The following CUX2 variants were observed in gnomAD, a reference collection of about 807,000 sequenced individuals.
CUX2 encodes the protein homeobox protein cut-like 2.
In CUX2, 40 loss-of-function variants were observed where a neutral mutation model predicts 144.8. That is an observed-to-expected ratio of 0.28 (90% CI 0.21 to 0.36). The LOEUF (loss-of-function observed/expected upper bound fraction) is 0.36, where lower values mean the gene tolerates loss of function less well. Among genes scored for constraint, CUX2 ranks in the 10% least tolerant of loss-of-function variants. The pLI, the probability that CUX2 is intolerant of heterozygous loss-of-function variation, is 1.00. For synonymous variants in CUX2, 827 were observed against 875.6 expected, an observed-to-expected ratio of 0.94 and a Z score of 0.98; for missense variants, 1,615 against 1,994.0, an observed-to-expected ratio of 0.81 and a Z score of 3.62.
intron 1 of CUX2, among the ~76,000 whole-genome samples, chr12:111,084,730 G>A (rs1480205083): frequency 6.6e-6 from 1 of 152,210 alleles, no homozygotes; most frequent in Non-Finnish European, 1.5e-5. Context: ...AAAGCAAAAT[G>A]GTATGAGAGT....
At chr12:111,275,339 G>A (rs539867233) in intron 4 of CUX2, among the ~76,000 whole-genome samples, 2 of 152,282 alleles carry the variant, frequency 1.3e-5, no homozygotes, top group East Asian at 3.9e-4. Context: ...TTTGGGGTCT[G>A]TACATCCAGG....
At chr12:111,162,978 C>T (rs560254365) in intron 1 of CUX2, among the ~76,000 whole-genome samples, 7 of 149,766 alleles carry the variant, frequency 4.7e-5, no homozygotes, top group African/African-American at 1.2e-4. Flanking sequence ...CCTGGGAGGC[C>T]GAGTTTGCAG....
In CUX2 at chr12:111,307,343, C is replaced by T; in HGVS notation, c.1109+86C>T. On this transcript the variant is annotated intron_variant, in intron 12 of 21. Transcript: ENST00000261726. This position sits in a 1 kb window ranked among gnomAD's most constrained non-coding sequence, Gnocchi z 4.1. Reference sequence around the variant, plus strand: ...GCAAAGTTCATCATCTTCCTCCCTCCTACTAAACCCCATTTGTTCTTCTCT... The same window carrying T: ...GCAAAGTTCATCATCTTCCTCCCTCTTACTAAACCCCATTTGTTCTTCTCT... The T allele has an allele frequency of 8.3e-7, 1 of 1,198,960 alleles. No homozygotes were observed. Among genetic ancestry groups the T allele is most frequent in the Non-Finnish European group, 1.2e-6 (1 of 830,514 alleles). 74.3% of individuals were successfully genotyped at this position (1,198,960 alleles called of 1,614,324 possible).
intron 1 of CUX2, among the ~76,000 whole-genome samples, chr12:111,056,026 G>A (rs1870508937): frequency 1.3e-5 from 2 of 152,206 alleles, no homozygotes; most frequent in Admixed American, 1.3e-4. Flanking sequence ...TAGCTAGATT[G>A]TTTGCTATGC....
At chr12:111,257,188 C>T (rs1321344701) in intron 3 of CUX2, among the ~76,000 whole-genome samples, 1 of 151,806 alleles carries the variant, frequency 6.6e-6, no homozygotes, top group African/African-American at 2.4e-5. Flanking sequence ...TGGTCTCCAC[C>T]TCCTCCCTCT....
At chr12:111,044,887 G>T (rs1173257731) in intron 1 of CUX2, among the ~76,000 whole-genome samples, 2 of 152,176 alleles carry the variant, frequency 1.3e-5, no homozygotes, top group Non-Finnish European at 2.9e-5. Context: ...ATGAGGGTTT[G>T]TTTACCTTTA....
chr12:111,347,660 G>A lies in CUX2; in HGVS notation c.3796G>A (p.Glu1266Lys), dbSNP rs749496376. Residue 1266 changes from glutamate (E) to lysine (K), a missense_variant, in exon 22 of 22, where the codon GAG becomes AAG. Physicochemically the swap from Glu to Lys is moderately conservative, Grantham distance 56. This residue lies in a region of CUX2 where 298 missense variants were observed against 330.4 expected (regional missense o/e 0.90). Coordinates refer to ENST00000261726, the MANE Select transcript of CUX2 (RefSeq NM_015267.4). ...CCCGCAGAGCCCTGACTCTGAGACT[G>A]AGGACCAGAAGCCAACCGTGAAGGA... ...PTPQSPDSET[E>K]DQKPTVKELE... 1 of 1,613,534 alleles carries A rather than the reference G, an allele frequency of 6.2e-7. No homozygotes were observed. Among genetic ancestry groups the A allele is most frequent in the Non-Finnish European group, 8.5e-7 (1 of 1,179,830 alleles).
chr12:111,084,214 G>A (rs1204302687), intron 1 of CUX2, among the ~76,000 whole-genome samples: 5 of 152,188 alleles, frequency 3.3e-5, no homozygotes, highest in Non-Finnish European at 7.3e-5. Context: ...GAGTGGAGTG[G>A]TTAGTGGTGC....
chr12:111,276,117 C>T (rs540183126), intron 4 of CUX2, among the ~76,000 whole-genome samples: 1 of 152,246 alleles, frequency 6.6e-6, no homozygotes, highest in South Asian at 2.1e-4. Flanking sequence ...CTTTGGAAGG[C>T]TGAGGCGGGA....
chr12:111,294,171 A>G (rs1565897563), intron 6 of CUX2, among the ~76,000 whole-genome samples: 2 of 152,124 alleles, frequency 1.3e-5, no homozygotes, highest in Non-Finnish European at 2.9e-5. Flanking sequence ...GCAGTGTTGC[A>G]ATCTTGGCTC....
chr12:111,113,004 AT>A (rs952147353), intron 1 of CUX2, among the ~76,000 whole-genome samples: 1 of 152,168 alleles, frequency 6.6e-6, no homozygotes, highest in Non-Finnish European at 1.5e-5. Flanking sequence ...TTTGAGGCAT[AT>A]TTTATTTGAT....
intron 4 of CUX2, among the ~76,000 whole-genome samples, chr12:111,273,687 G>C (rs1349775322): frequency 1.3e-5 from 2 of 152,132 alleles, no homozygotes; most frequent in Non-Finnish European, 2.9e-5. Context: ...CTCCCAACCT[G>C]GCAAGTGGAG....
chr12:111,197,349 T>C (rs1001507016), intron 1 of CUX2, among the ~76,000 whole-genome samples: 1 of 152,198 alleles, frequency 6.6e-6, no homozygotes, highest in Non-Finnish European at 1.5e-5. Context: ...ATCAATGCCA[T>C]GTCAGCCCAG....
chr12:111,280,161 C>T (rs565518859), intron 4 of CUX2, among the ~76,000 whole-genome samples: 18 of 150,860 alleles, frequency 1.2e-4, no homozygotes, highest in South Asian at 4.2e-4. Flanking sequence ...TCGTGGCTTA[C>T]GCCTGTAATC....
intron 1 of CUX2, among the ~76,000 whole-genome samples, chr12:111,187,158 A>T (rs1255660664): frequency 6.6e-6 from 1 of 152,138 alleles, no homozygotes; most frequent in Non-Finnish European, 1.5e-5. Flanking sequence ...CCAGATGTTC[A>T]CTTATGCTAC....
At chr12:111,124,950 T>C (rs932889923) in intron 1 of CUX2, among the ~76,000 whole-genome samples, 6 of 152,152 alleles carry the variant, frequency 3.9e-5, no homozygotes, top group Non-Finnish European at 8.8e-5. Context: ...TTTCTAATGA[T>C]TCACCTTGGG....
intron 1 of CUX2, among the ~76,000 whole-genome samples, chr12:111,189,108 C>T (rs974390625): frequency 6.6e-6 from 1 of 151,998 alleles, no homozygotes; most frequent in African/African-American, 2.4e-5. Flanking sequence ...GGGGAAACCC[C>T]GACTCTACAA....
intron 1 of CUX2, among the ~76,000 whole-genome samples, chr12:111,044,362 A>T (rs771838745): frequency 1.8e-4 from 27 of 151,112 alleles, no homozygotes; most frequent in Admixed American, 1.2e-3. Context: ...GGATCCCCTC[A>T]TCCTATCCCC....
intron 1 of CUX2, among the ~76,000 whole-genome samples, chr12:111,146,028 C>T (rs1237654295): frequency 6.6e-6 from 1 of 152,148 alleles, no homozygotes; most frequent in African/African-American, 2.4e-5. Context: ...TTTAAACAAA[C>T]TTTGTATTTA....
Sources: gnomAD v4.1 joint callset for allele counts (sites outside exome capture counted in the v4.1 genomes callset) on GRCh38, gnomAD v4.1.1 for gene constraint, gnomAD v4.1.1 regional missense constraint, Gnocchi (gnomAD v3.1) non-coding constraint, MANE v1.5 for transcripts, NCBI Gene and HGNC (gene_info 2026-07-23, HGNC 2026-07-21) for gene names.